Variants in OSBPL3 observed in about 807,000 individuals in gnomAD.
OSBPL3 encodes the protein oxysterol-binding protein-related protein 3.
A neutral mutation model predicts 120.1 loss-of-function variants in OSBPL3; 65 were observed. The ratio of observed to expected loss-of-function variants is 0.54; its 90% CI spans 0.44 to 0.67. The LOEUF (loss-of-function observed/expected upper bound fraction) is 0.67, where lower values mean the gene tolerates loss of function less well. OSBPL3 is among the 30% of genes least tolerant of loss of function. The pLI, the probability that OSBPL3 is intolerant of heterozygous loss-of-function variation, is 0.00. For synonymous variants in OSBPL3, 416 were observed against 402.6 expected, an observed-to-expected ratio of 1.03 and a Z score of -0.40; for missense variants, 1,004 against 1,082.1, an observed-to-expected ratio of 0.93 and a Z score of 1.01.
Position 24,867,484 on chromosome 7 carries a change from C to A in OSBPL3, c.382-1247G>T, listed in dbSNP as rs1398428728. ...GTGAGAGGTAACTGGATCATGGGGG[C>A]AAGTCATTCCCATGGTGTTCTCGTG... On this transcript the variant is annotated intron_variant, in intron 5 of 22. Transcript: ENST00000313367. This position sits in a 1 kb window ranked among gnomAD's most constrained non-coding sequence, Gnocchi z 4.5. 1.3e-5 allele frequency among the ~76,000 whole-genome samples: 2 copies of A among 152,056 alleles called. No individual in the cohort carries two copies.
intron 19 of OSBPL3, among the ~76,000 whole-genome samples, chr7:24,812,540 C>T (rs1307595671): frequency 1.3e-5 from 2 of 151,896 alleles, no homozygotes; most frequent in Non-Finnish European, 2.9e-5. Context: ...GCTCTAGCAC[C>T]CTAGAGTTGG....
At chr7:24,944,311 T>G (rs911563661) in intron 1 of OSBPL3, among the ~76,000 whole-genome samples, 3 of 152,118 alleles carry the variant, frequency 2.0e-5, no homozygotes, top group African/African-American at 7.2e-5. Context: ...GTTGGTGATG[T>G]TAAGAAGAAA....
At chr7:24,929,078 C>G (rs1411136766) in intron 1 of OSBPL3, among the ~76,000 whole-genome samples, 2 of 152,230 alleles carry the variant, frequency 1.3e-5, no homozygotes, top group Admixed American at 6.5e-5. Context: ...TCCAAAGTAG[C>G]TGCACCTCTT....
chr7:24,800,255 C>T lies in OSBPL3; in HGVS notation c.2592G>A (p.Val864=), dbSNP rs1054466533. Residue 864 remains valine, a synonymous_variant, in exon 23 of 23, where the codon GTG becomes GTA. Coordinates refer to ENST00000313367, the MANE Select transcript of OSBPL3 (RefSeq NM_015550.4). ...TAAGTTCCAAATAGGTGCCGTTGCT[C>T]ACCCAAGAGTCATCGTCGGATTTCC... is the stretch of plus-strand genomic sequence containing the variant. ...FFRKSDDDSW[V]SNGTYLELRK... 9.9e-6 allele frequency: 16 copies of T among 1,611,048 alleles called. No homozygotes were observed. Among genetic ancestry groups the T allele is most frequent in the Non-Finnish European group, 1.3e-5 (15 of 1,177,534 alleles).
At chr7:24,838,040 A>T (rs572034163) in intron 14 of OSBPL3, among the ~76,000 whole-genome samples, 1 of 152,332 alleles carries the variant, frequency 6.6e-6, no homozygotes, top group South Asian at 2.1e-4. Context: ...ATGAAATGTA[A>T]AGGTTATTTC....
At position 24,830,789 on chromosome 7, in the gene OSBPL3, GC is replaced by G. The variant is rs1796270718; in HGVS notation, c.1862del (p.Gly621AlafsTer31). The G allele has an allele frequency of 1.2e-6, 2 of 1,610,910 alleles. No individual in the cohort carries two copies. The highest frequency in any genetic ancestry group is 1.7e-6 in the Non-Finnish European group (2 of 1,179,228). On this transcript the variant is annotated frameshift_variant, in exon 16 of 23. Coordinates refer to ENST00000313367, the MANE Select transcript of OSBPL3 (RefSeq NM_015550.4). LOFTEE classifies it high-confidence loss of function. The surrounding 1 kb of genome is among the most constrained non-coding windows in gnomAD (Gnocchi z 4.4). ...CTACCTGTTCTGAAAAAAACTGGAA[GC>G]CCTTGTCCTCCCGAATACATTCATA... is the stretch of plus-strand genomic sequence containing the variant. ...ETYECIREDK[G>X]FQFFSEQVSH...
chr7:24,965,744 T>TCTCA lies in OSBPL3; in HGVS notation c.-150+14138_-150+14141dup, dbSNP rs962916367. Among the ~76,000 whole-genome samples the TCTCA allele has an allele frequency of 6.6e-6, 1 of 152,116 alleles. No individual in the cohort carries two copies. The highest frequency in any genetic ancestry group is 2.4e-5 in the African/African-American group (1 of 41,420). ...TTTGTTTGTTTTTGTGGAGACTGAG[T>TCTCA]CTCAGTATTCTAACCAGGCTGGTTT... On this transcript the variant is annotated intron_variant, in intron 1 of 22. Transcript: ENST00000313367. The surrounding 1 kb of genome is among the most constrained non-coding windows in gnomAD (Gnocchi z 4.3).
At position 24,816,743 on chromosome 7, in the gene OSBPL3, T is replaced by C. The variant is rs569743089; in HGVS notation, c.1949-55A>G. 5.3e-5 allele frequency: 59 copies of C among 1,106,050 alleles called. No homozygotes were observed. The South Asian group carries it at 7.3e-4, about 14-fold the overall frequency. 68.5% of individuals were successfully genotyped at this position (1,106,050 alleles called of 1,614,324 possible). A position where few individuals can be genotyped will look rare whatever the true frequency, so the allele number is the denominator to read the frequency against. On this transcript the variant is annotated intron_variant, in intron 17 of 22. Coordinates refer to ENST00000313367, the MANE Select transcript of OSBPL3 (RefSeq NM_015550.4). The stretch of plus-strand genomic sequence containing the variant: ...TAGCAGGAGAGGTAGGTAGATGAAA[T>C]AGTTCCTAGGCTAGATAAATGATCA...
At chr7:24,915,539 T>C (rs1487356600) in intron 1 of OSBPL3, among the ~76,000 whole-genome samples, 2 of 146,962 alleles carry the variant, frequency 1.4e-5, no homozygotes, top group African/African-American at 5.0e-5. Flanking sequence ...CCCCTTTCTT[T>C]AAAAAAAAAA....
In OSBPL3 at chr7:24,833,524, A is replaced by G. The variant is rs1358162199; in HGVS notation, c.1746+962T>C. On this transcript the variant is annotated intron_variant, in intron 15 of 22. Transcript: ENST00000313367. The surrounding 1 kb of genome is among the most constrained non-coding windows in gnomAD (Gnocchi z 4.4). ...TAGAACTGCAGAATGCTTAGAATGT[A>G]GAAAATAATAGCATCCTCTATCAAT... Among the ~76,000 whole-genome samples the G allele has an allele frequency of 6.6e-6, 1 of 152,222 alleles. No individual in the cohort carries two copies. The highest frequency in any genetic ancestry group is 2.4e-5 in the African/African-American group (1 of 41,456).
intron 5 of OSBPL3, among the ~76,000 whole-genome samples, chr7:24,866,465 C>T (rs2128266828): frequency 6.6e-6 from 1 of 152,192 alleles, no homozygotes; most frequent in African/African-American, 2.4e-5. Flanking sequence ...TGGTGAAACC[C>T]TGTCTCTACA....
chr7:24,926,059 ATAACAGGGC>A (rs994172546), intron 1 of OSBPL3, among the ~76,000 whole-genome samples: 5 of 152,246 alleles, frequency 3.3e-5, no homozygotes, highest in African/African-American at 1.2e-4. Context: ...GGCAGTTCCC[ATAACAGGGC>A]TAGGTATGCC....
intron 2 of OSBPL3, among the ~76,000 whole-genome samples, chr7:24,885,460 C>A (rs1365677966): frequency 1.3e-5 from 2 of 152,066 alleles, no homozygotes; most frequent in African/African-American, 2.4e-5. Flanking sequence ...TCAGGTGACC[C>A]TGGGAGAGTT....
At chr7:24,895,545 T>G (rs1012088116) in intron 1 of OSBPL3, among the ~76,000 whole-genome samples, 3 of 152,150 alleles carry the variant, frequency 2.0e-5, no homozygotes, top group South Asian at 2.1e-4. Flanking sequence ...CAGGGAAGAA[T>G]AAAGAAAGAA....
intron 10 of OSBPL3, among the ~76,000 whole-genome samples, chr7:24,860,486 C>T (rs1301744937): frequency 6.6e-6 from 1 of 152,134 alleles, no homozygotes; most frequent in Non-Finnish European, 1.5e-5. Flanking sequence ...TAAGGGGTTT[C>T]CCTTTTCACT....
chr7:24,869,481 T>C (rs1157978795), intron 5 of OSBPL3, among the ~76,000 whole-genome samples: 1 of 152,218 alleles, frequency 6.6e-6, no homozygotes, highest in African/African-American at 2.4e-5. Context: ...ACACCAGTCA[T>C]TTGCAGCCAG....
At chr7:24,906,786 G>C (rs7805287) in intron 1 of OSBPL3, among the ~76,000 whole-genome samples, 88,724 of 151,940 alleles carry the variant, frequency 0.58, 26,539 homozygotes, top group East Asian at 0.78. Flanking sequence ...TCCATGGGCA[G>C]TCACCAAAGT....
At chr7:24,812,858 A>G (rs748307118) in intron 19 of OSBPL3, among the ~76,000 whole-genome samples, 2 of 152,176 alleles carry the variant, frequency 1.3e-5, no homozygotes, top group African/African-American at 4.8e-5. Flanking sequence ...GAAAAAAAAG[A>G]CTATTGAGAC....
Position 24,815,403 on chromosome 7 carries a change from G to C in OSBPL3, c.2028-200C>G, listed in dbSNP as rs1794350419. ...TCCAAGGAGGCATGCATGCCACAGA[G>C]AATGACAGCATTCAGACTTTGCACT... On this transcript the variant is annotated intron_variant, in intron 18 of 22. Coordinates refer to ENST00000313367, the MANE Select transcript of OSBPL3 (RefSeq NM_015550.4). The surrounding 1 kb of genome is among the most constrained non-coding windows in gnomAD (Gnocchi z 5.1). 6.6e-6 allele frequency among the ~76,000 whole-genome samples: 1 copy of C among 152,210 alleles called. No individual in the cohort carries two copies. Among genetic ancestry groups the C allele is most frequent in the Non-Finnish European group, 1.5e-5 (1 of 68,048 alleles).
Sources: allele counts gnomAD v4.1 joint callset (sites outside exome capture counted in the v4.1 genomes callset), GRCh38; gene constraint gnomAD v4.1.1; non-coding constraint Gnocchi (gnomAD v3.1); transcripts MANE v1.5; gene names NCBI Gene and HGNC (gene_info 2026-07-23, HGNC 2026-07-21).